Variants in PLEKHM3 observed in about 807,000 individuals in gnomAD.
PLEKHM3 encodes pleckstrin homology domain containing M3, also known as pleckstrin homology domain-containing family M member 3.
Under a neutral mutation model 81.8 loss-of-function variants are expected in PLEKHM3, and 45 were observed. That is an observed-to-expected ratio of 0.55 (90% CI 0.43 to 0.71). The LOEUF (loss-of-function observed/expected upper bound fraction) is 0.71, where lower values mean the gene tolerates loss of function less well. Ranked by LOEUF, PLEKHM3 falls within the 30% of genes least tolerant of loss-of-function variation. The probability of loss-of-function intolerance (pLI) is 0.00; values close to 1 mark genes in which losing one functional copy is unlikely to be tolerated. For synonymous variants in PLEKHM3, 352 were observed against 356.4 expected, an observed-to-expected ratio of 0.99 and a Z score of 0.14; for missense variants, 788 against 924.3, an observed-to-expected ratio of 0.85 and a Z score of 1.91.
chr2:207,991,776 T>C (rs957916348), intron 2 of PLEKHM3, among the ~76,000 whole-genome samples: 11 of 152,048 alleles, frequency 7.2e-5, no homozygotes, highest in Non-Finnish European at 1.0e-4. Flanking sequence ...AAATCACCAA[T>C]ATACCAAGGA....
intron 6 of PLEKHM3, among the ~76,000 whole-genome samples, chr2:207,879,261 A>T (rs13413893): frequency 6.6e-6 from 1 of 152,092 alleles, no homozygotes; most frequent in Admixed American, 6.5e-5. Context: ...TTAATGCTAG[A>T]TTCTTTCTCC....
At chr2:207,892,181 A>G (rs1688078982) in intron 6 of PLEKHM3, among the ~76,000 whole-genome samples, 1 of 152,176 alleles carries the variant, frequency 6.6e-6, no homozygotes, top group South Asian at 2.1e-4. Flanking sequence ...ATCACAGTAC[A>G]TTGAACCTAG....
At chr2:208,000,898 G>T in intron 2 of PLEKHM3, 132 bp downstream of exon 2, 1 of 869,264 alleles carries the variant, frequency 1.2e-6, no homozygotes, top group Non-Finnish European at 1.7e-6. Context: ...TCATGAGCCA[G>T]ATTAAGAGAG....
chr2:207,856,399 A>C (rs1417649371), intron 7 of PLEKHM3, among the ~76,000 whole-genome samples: 1 of 152,200 alleles, frequency 6.6e-6, no homozygotes, highest in Non-Finnish European at 1.5e-5. Flanking sequence ...GTATAATGTC[A>C]TGTATACACC....
chr2:208,011,475 T>A (rs186386276), intron 1 of PLEKHM3, among the ~76,000 whole-genome samples: 1 of 152,306 alleles, frequency 6.6e-6, no homozygotes, highest in East Asian at 1.9e-4. Context: ...TGGATGGGAT[T>A]GGAGACTACT....
At chr2:207,954,686 C>T (rs1031862079) in intron 3 of PLEKHM3, among the ~76,000 whole-genome samples, 1 of 152,130 alleles carries the variant, frequency 6.6e-6, no homozygotes, top group Admixed American at 6.5e-5. Context: ...TTTGGGTTTT[C>T]CCCCTCTGAA....
At chr2:207,929,227 C>G (rs1689506365) in intron 5 of PLEKHM3, among the ~76,000 whole-genome samples, 1 of 152,150 alleles carries the variant, frequency 6.6e-6, no homozygotes, top group Non-Finnish European at 1.5e-5. Flanking sequence ...TTCTAGAACT[C>G]CCATTTCTTT....
intron 7 of PLEKHM3, among the ~76,000 whole-genome samples, chr2:207,833,111 CAAA>C (rs71036960): frequency 2.6e-4 from 20 of 76,850 alleles, no homozygotes; most frequent in Admixed American, 4.3e-4. Flanking sequence ...GACACCATCT[CAAA>C]AAAAAAAAAA....
chr2:207,922,970 G>A (rs182988916), intron 5 of PLEKHM3, among the ~76,000 whole-genome samples: 5 of 152,302 alleles, frequency 3.3e-5, no homozygotes, highest in East Asian at 1.9e-4. Context: ...AAGTCAAGTC[G>A]AGTCAAGAGG....
At chr2:207,939,973 G>A (rs1441379299) in intron 4 of PLEKHM3, among the ~76,000 whole-genome samples, 2 of 152,216 alleles carry the variant, frequency 1.3e-5, no homozygotes, top group African/African-American at 4.8e-5. Context: ...AGTGGTGACT[G>A]TGGGGCATTC....
At chr2:207,944,612 A>G (rs147044172) in intron 4 of PLEKHM3, among the ~76,000 whole-genome samples, 1 of 152,202 alleles carries the variant, frequency 6.6e-6, no homozygotes, top group South Asian at 2.1e-4. Flanking sequence ...AAGATCACAG[A>G]TGCTGAAATA....
intron 1 of PLEKHM3, among the ~76,000 whole-genome samples, chr2:208,004,713 G>A (rs7595823): frequency 0.6 from 91,718 of 151,964 alleles, 29,073 homozygotes; most frequent in Non-Finnish European, 0.71. Flanking sequence ...TTGTTCATAT[G>A]ACCCTCCCTG....
At chr2:207,930,820 A>C (rs949282276) in intron 5 of PLEKHM3, 106 bp downstream of exon 5, 64 of 1,318,936 alleles carry the variant, frequency 4.9e-5, no homozygotes, top group Non-Finnish European at 6.4e-5. Flanking sequence ...GAGCCACAAA[A>C]TTAGAGGCGG....
At chr2:207,955,441 G>T (rs548577274) in intron 3 of PLEKHM3, among the ~76,000 whole-genome samples, 2 of 152,166 alleles carry the variant, frequency 1.3e-5, no homozygotes, top group East Asian at 3.9e-4. Flanking sequence ...TAAGCAAATG[G>T]ATAAACACAT....
At chr2:207,831,378 G>A (rs908085056) in intron 7 of PLEKHM3, among the ~76,000 whole-genome samples, 7 of 152,224 alleles carry the variant, frequency 4.6e-5, no homozygotes, top group South Asian at 2.1e-4. Context: ...CCACGCTGCC[G>A]GCTGAGGCCT....
intron 7 of PLEKHM3, among the ~76,000 whole-genome samples, chr2:207,829,758 T>C (rs567311074): frequency 6.6e-6 from 1 of 151,998 alleles, no homozygotes; most frequent in Non-Finnish European, 1.5e-5. Flanking sequence ...TCAGGGAGGG[T>C]CCAGAACTGA....
At chr2:207,923,911 T>TTTTTA (rs1689293574) in intron 5 of PLEKHM3, among the ~76,000 whole-genome samples, 1 of 99,972 alleles carries the variant, frequency 1.0e-5, no homozygotes, top group East Asian at 2.4e-4. Context: ...ATATATTTTT[T>TTTTTA]TTTTTTTTTT....
rs76822691 is a variant in PLEKHM3, at chr2:207,971,564, T to TA, written c.1546+5086dup. Among the ~76,000 whole-genome samples, 989 of 138,654 alleles carry TA rather than the reference T, an allele frequency of 7.1e-3. 7 individuals carry two copies. Among genetic ancestry groups the TA allele is most frequent in the African/African-American group, 0.018 (696 of 37,868 alleles). 91.0% of individuals were successfully genotyped at this position (138,654 alleles called of 152,430 possible). A position where few individuals can be genotyped will look rare whatever the true frequency, so the allele number is the denominator to read the frequency against. ...TGTGTCAATTAAAACTTTTTTTAAC[T>TA]AAAAAAAAAAAAAGAGCTATTGCCT... On this transcript the variant is annotated intron_variant, in intron 3 of 7. Coordinates refer to ENST00000427836, the MANE Select transcript of PLEKHM3 (RefSeq NM_001080475.3).
intron 7 of PLEKHM3, among the ~76,000 whole-genome samples, chr2:207,839,342 G>A (rs2092337278): frequency 6.6e-6 from 1 of 152,036 alleles, no homozygotes; most frequent in Non-Finnish European, 1.5e-5. Context: ...ATTAGAAAAT[G>A]CAAAAAGTCT....
Sources: allele counts gnomAD v4.1 joint callset (sites outside exome capture counted in the v4.1 genomes callset), GRCh38; gene constraint gnomAD v4.1.1; transcripts MANE v1.5; gene names NCBI Gene and HGNC (gene_info 2026-07-23, HGNC 2026-07-21).